VWA5A: variants seen among roughly 807,000 people sequenced by gnomAD.
VWA5A encodes von Willebrand factor A domain containing 5A, also known as von Willebrand factor A domain-containing protein 5A.
Under a neutral mutation model 84.6 loss-of-function variants are expected in VWA5A, and 77 were observed. The ratio of observed to expected loss-of-function variants is 0.91; its 90% CI spans 0.76 to 1.10. The LOEUF (loss-of-function observed/expected upper bound fraction) is 1.10, where lower values mean the gene tolerates loss of function less well. Ranked by LOEUF, VWA5A falls within the 50% of genes least tolerant of loss-of-function variation. The probability of loss-of-function intolerance (pLI) is 0.00; values close to 1 mark genes in which losing one functional copy is unlikely to be tolerated. For missense variants in VWA5A, 973 were observed against 963.0 expected, an observed-to-expected ratio of 1.01 and a Z score of -0.14; for synonymous variants, 334 against 350.1, an observed-to-expected ratio of 0.95 and a Z score of 0.51.
At chr11:124,142,737 A>G (rs1402524966) in intron 17 of VWA5A, among the ~76,000 whole-genome samples, 165 bp downstream of exon 17, 1 of 152,192 alleles carries the variant, frequency 6.6e-6, no homozygotes, top group Non-Finnish European at 1.5e-5. Flanking sequence ...ATGTTAGAGC[A>G]GAAAGATCAA....
chr11:124,124,672 G>GA, intron 11 of VWA5A: 12 of 606,806 alleles, frequency 2.0e-5, no homozygotes, highest in Non-Finnish European at 2.5e-5. Context: ...AATGCACTGT[G>GA]TGATCGCCAC....
At position 124,139,225 on chromosome 11, in the gene VWA5A, T is replaced by TTGTGTGTGTGTG. The variant is rs113893702; in HGVS notation, c.1879+1979_1879+1990dup. Among the ~76,000 whole-genome samples the TTGTGTGTGTGTG allele has an allele frequency of 4.6e-3, 682 of 147,428 alleles. 7 individuals carry two copies. The highest frequency in any genetic ancestry group is 0.015 in the African/African-American group (581 of 39,788). On this transcript the variant is annotated intron_variant, in intron 15 of 18. Transcript: ENST00000456829. ...TAGTATGATGCCTCCAGCATTTTGT[T>TTGTGTGTGTGTG]TGTGTGTGTGTGTGTGTGTGTGTGT...
intron 16 of VWA5A, among the ~76,000 whole-genome samples, chr11:124,142,066 CTA>C (rs1486667927): frequency 6.6e-6 from 1 of 152,118 alleles, no homozygotes; most frequent in East Asian, 1.9e-4. Context: ...TGTTCCGCCC[CTA>C]TGTTTCCCAG....
At chr11:124,118,492 A>G (rs1181989078) in intron 5 of VWA5A, 41 bp from the exon 6 acceptor site, 3 of 1,611,304 alleles carry the variant, frequency 1.9e-6, no homozygotes. Flanking sequence ...TGTCATAAAA[A>G]GTGTTGGCAA....
intron 15 of VWA5A, among the ~76,000 whole-genome samples, chr11:124,137,865 T>C (rs973170889): frequency 6.6e-6 from 1 of 152,210 alleles, no homozygotes. Context: ...CTTATTTTCC[T>C]TCTTTGTTTT....
In VWA5A at chr11:124,145,296, T is replaced by C. The variant is rs747783163; in HGVS notation, c.2214T>C (p.Gly738=). 1 of 1,613,878 alleles carries C rather than the reference T, an allele frequency of 6.2e-7. No homozygotes were observed. The highest frequency in any genetic ancestry group is 8.5e-7 in the Non-Finnish European group (1 of 1,179,854). The change falls in exon 18 of 19, where the codon GGT becomes GGC. Residue 738 remains glycine (G), a synonymous_variant. Transcript: ENST00000456829. Reference sequence around the variant, plus strand: ...CCGTGATCTGGCTGCACAGCAATGGTAAGGACTTGAAGTGTGAATGGGAGC... The same window carrying C: ...CCGTGATCTGGCTGCACAGCAATGGCAAGGACTTGAAGTGTGAATGGGAGC... ...ILAVIWLHSN[G]KDLKCEWELL... is the part of the protein sequence containing the mutation.
Position 124,146,053 on chromosome 11 carries a change from G to A in VWA5A, c.*108G>A, listed in dbSNP as rs1441762354. The A allele has an allele frequency of 4.2e-6, 5 of 1,204,410 alleles. No individual in the cohort carries two copies. Among genetic ancestry groups the A allele is most frequent in the Admixed American group, 2.5e-5 (1 of 39,422 alleles). 74.6% of individuals were successfully genotyped at this position (1,204,410 alleles called of 1,614,324 possible). On this transcript the variant is annotated 3_prime_UTR_variant, in exon 19 of 19. Coordinates refer to ENST00000456829, the MANE Select transcript of VWA5A (RefSeq NM_001130142.2). ...TGTGTATTATAACTCTTTATTTTTT[G>A]CCATAAAAGTAAAGGATGCTTACTC...
intron 17 of VWA5A, 107 bp from the exon 18 acceptor site, chr11:124,145,130 T>C (rs1295904993): frequency 1.4e-6 from 2 of 1,396,232 alleles, no homozygotes; most frequent in Non-Finnish European, 1.9e-6. Context: ...ACCAGGTAAC[T>C]CCATCTAGTG....
intron 11 of VWA5A, among the ~76,000 whole-genome samples, chr11:124,126,179 T>G (rs938732923): frequency 6.6e-6 from 1 of 152,250 alleles, no homozygotes; most frequent in East Asian, 1.9e-4. Flanking sequence ...AAGTCCTCAA[T>G]TTTGTTCATT....
chr11:124,117,443 T>C (rs765519152), intron 2 of VWA5A, 54 bp from the exon 3 acceptor site: 1 of 1,535,058 alleles, frequency 6.5e-7, no homozygotes, highest in South Asian at 1.1e-5. Flanking sequence ...AGTACTGGTG[T>C]TTGAACAGAT....
intron 17 of VWA5A, among the ~76,000 whole-genome samples, chr11:124,144,361 G>A (rs1860779379): frequency 2.6e-5 from 4 of 152,290 alleles, no homozygotes; most frequent in South Asian, 4.1e-4. Flanking sequence ...AGGGTTACCT[G>A]AAATGGGCTG....
intron 7 of VWA5A, among the ~76,000 whole-genome samples, chr11:124,120,785 C>A (rs1864919883): frequency 6.6e-6 from 1 of 152,196 alleles, no homozygotes; most frequent in Admixed American, 6.5e-5. Flanking sequence ...ATAACAGTGA[C>A]CTACGTGTCA....
At chr11:124,118,099 A>T (rs1347851177) in intron 4 of VWA5A, 90 bp from the exon 5 acceptor site, 1 of 1,402,842 alleles carries the variant, frequency 7.1e-7, no homozygotes, top group Non-Finnish European at 9.7e-7. Flanking sequence ...AAGACCAATC[A>T]CACAGTCGCT....
At chr11:124,127,449 C>T (rs1262700347) in intron 11 of VWA5A, among the ~76,000 whole-genome samples, 3 of 152,270 alleles carry the variant, frequency 2.0e-5, no homozygotes, top group East Asian at 3.9e-4. Flanking sequence ...CAAGTCTTTA[C>T]TATTGTGACA....
chr11:124,124,684 T>C (rs927706862), intron 11 of VWA5A: 15 of 520,448 alleles, frequency 2.9e-5, no homozygotes, highest in African/African-American at 2.3e-4. Flanking sequence ...GATCGCCACA[T>C]AGGTAAAAAC....
intron 11 of VWA5A, among the ~76,000 whole-genome samples, chr11:124,134,592 A>G (rs1865145106): frequency 1.3e-5 from 2 of 151,982 alleles, no homozygotes; most frequent in African/African-American, 4.8e-5. Flanking sequence ...TCTTGCAGTA[A>G]GACAGATCAG....
intron 11 of VWA5A, among the ~76,000 whole-genome samples, chr11:124,126,548 C>G (rs2137641025): frequency 6.6e-6 from 1 of 152,274 alleles, no homozygotes; most frequent in South Asian, 2.1e-4. Context: ...ACCACGAGGT[C>G]AGGAGTTTGA....
intron 11 of VWA5A, among the ~76,000 whole-genome samples, chr11:124,131,532 T>A (rs1865097562): frequency 6.6e-6 from 1 of 152,008 alleles, no homozygotes; most frequent in Non-Finnish European, 1.5e-5. Context: ...GCTTCATGCA[T>A]TTTTTTATTA....
rs749890870 is a variant in VWA5A at position 124,137,269 on chromosome 11, G to T, written c.1879+1G>T. The T allele has an allele frequency of 6.2e-7, 1 of 1,613,742 alleles. No individual in the cohort carries two copies. Among genetic ancestry groups the T allele is most frequent in the Admixed American group, 1.7e-5 (1 of 59,972 alleles). On this transcript the variant is annotated splice_donor_variant, in intron 15 of 18. Coordinates refer to ENST00000456829, the MANE Select transcript of VWA5A (RefSeq NM_001130142.2). LOFTEE classifies it high-confidence loss of function. ...CCATTGAAGATAAAATGCCAATCAG[G>T]TAATGAGTTTTATTCCATTCAAACT... is the stretch of plus-strand genomic sequence containing the variant.
Sources: allele counts gnomAD v4.1 joint callset (sites outside exome capture counted in the v4.1 genomes callset), GRCh38; gene constraint gnomAD v4.1.1; transcripts MANE v1.5; gene names NCBI Gene and HGNC (gene_info 2026-07-23, HGNC 2026-07-21).